The following PPAT variants were observed in gnomAD, a reference collection of about 807,000 sequenced individuals.
PPAT encodes amidophosphoribosyltransferase.
A neutral mutation model predicts 60.2 loss-of-function variants in PPAT; 20 were observed. That is an observed-to-expected ratio of 0.33 (90% CI 0.23 to 0.48). The LOEUF is 0.48. Ranked by LOEUF, PPAT falls within the 20% of genes least tolerant of loss-of-function variation. The pLI is 0.99. For missense variants in PPAT, 349 were observed against 629.6 expected (o/e 0.55, Z 4.77); for synonymous variants, 194 against 215.1 (o/e 0.90, Z 0.86).
intron 1 of PPAT, among the ~76,000 whole-genome samples, chr4:56,417,858 T>TTTTTTTTTTTTTTTTTTTTTTTG (rs1716847109): frequency 6.8e-6 from 1 of 147,810 alleles, no homozygotes; most frequent in African/African-American, 2.5e-5. Flanking sequence ...TTTTTTTTTT[T>TTTTTTTTTTTTTTTTTTTTTTTG]TGAGACAGAG....
chr4:56,401,837 T>C (rs537118871), intron 6 of PPAT, among the ~76,000 whole-genome samples: 3 of 152,278 alleles, frequency 2.0e-5, no homozygotes, highest in South Asian at 2.1e-4. Context: ...TATTTTCATA[T>C]TGTACTGTAA....
intron 8 of PPAT, chr4:56,399,936 A>G (rs1231970989): frequency 6.6e-6 from 1 of 152,490 alleles, no homozygotes; most frequent in African/African-American, 2.4e-5. Context: ...ATAAAGCGTA[A>G]CACTGACAAC....
intron 2 of PPAT, 66 bp from the exon 3 acceptor site, chr4:56,406,767 C>A (rs1462976051): frequency 6.4e-6 from 7 of 1,096,986 alleles, no homozygotes; most frequent in Non-Finnish European, 9.5e-6. Context: ...AAACGCCTCT[C>A]TTCTCTGCCC....
In PPAT at chr4:56,394,277, T is replaced by C. The variant is rs1560635460; in HGVS notation, c.*1075A>G. 1 of 152,294 alleles carries C rather than the reference T, an allele frequency of 6.6e-6. No individual in the cohort carries two copies. The highest frequency in any genetic ancestry group is 1.9e-4 in the East Asian group (1 of 5,176). 9.4% of individuals were successfully genotyped at this position (152,294 alleles called of 1,614,324 possible). A position where few individuals can be genotyped will look rare whatever the true frequency, so the allele number is the denominator to read the frequency against. On this transcript the variant is annotated 3_prime_UTR_variant, in exon 11 of 11. Transcript: ENST00000264220. ...AGTTGATACTAATTCCCCAAAGTGG[T>C]TGTCTCTTTGATCCTTAAACAAAAC...
At chr4:56,406,747 T>C (rs770625414) in intron 2 of PPAT, 46 bp from the exon 3 acceptor site, 13 of 1,389,888 alleles carry the variant, frequency 9.4e-6, no homozygotes, top group Middle Eastern at 1.8e-4. Context: ...AGACTAGTAC[T>C]GCTAGTAATA....
chr4:56,432,357 G>A (rs941362780), intron 1 of PPAT, among the ~76,000 whole-genome samples: 7 of 151,878 alleles, frequency 4.6e-5, no homozygotes, highest in Admixed American at 2.0e-4. Context: ...GTGAAACCCC[G>A]TCTCTGCTAA....
At chr4:56,430,078 T>C (rs1036787938) in intron 1 of PPAT, among the ~76,000 whole-genome samples, 1 of 152,132 alleles carries the variant, frequency 6.6e-6, no homozygotes, top group Non-Finnish European at 1.5e-5. Flanking sequence ...CTGGGCAACA[T>C]AGTGAAACCC....
intron 1 of PPAT, chr4:56,431,412 T>TG: frequency 1.0e-6 from 1 of 979,884 alleles, no homozygotes; most frequent in African/African-American, 1.7e-5. Context: ...TTCTGTACTC[T>TG]GTTTGCAGAA....
At chr4:56,432,892 C>G (rs918649936) in intron 1 of PPAT, among the ~76,000 whole-genome samples, 8 of 150,612 alleles carry the variant, frequency 5.3e-5, no homozygotes, top group African/African-American at 2.0e-4. Flanking sequence ...TAAAACTAAC[C>G]AGTGAGTGAA....
At chr4:56,405,851 T>TA (rs1447247304) in intron 3 of PPAT, among the ~76,000 whole-genome samples, 3 of 152,236 alleles carry the variant, frequency 2.0e-5, no homozygotes, top group Non-Finnish European at 4.4e-5. Context: ...AAGGTAGTGC[T>TA]AGGGCTGTTG....
chr4:56,411,752 AG>A (rs777525355), intron 1 of PPAT, among the ~76,000 whole-genome samples: 2 of 152,266 alleles, frequency 1.3e-5, no homozygotes, highest in African/African-American at 2.4e-5. Context: ...CAAAAAGGAC[AG>A]AACTGCAAAT....
chr4:56,404,662 T>C (rs1293425362), intron 3 of PPAT, among the ~76,000 whole-genome samples: 3 of 145,180 alleles, frequency 2.1e-5, no homozygotes, highest in Non-Finnish European at 4.5e-5. Context: ...TTTTACTCCA[T>C]ATTTATACTT....
intron 3 of PPAT, among the ~76,000 whole-genome samples, chr4:56,405,976 G>A (rs2110040505): frequency 6.6e-6 from 1 of 152,268 alleles, no homozygotes; most frequent in Non-Finnish European, 1.5e-5. Context: ...CTGGGACTGA[G>A]CCCTTAACTT....
At chr4:56,423,585 TG>T (rs1717145677) in intron 1 of PPAT, 1 of 152,126 alleles carries the variant, frequency 6.6e-6, no homozygotes. Flanking sequence ...GTTAGTCCTC[TG>T]GAAAACTTAC....
chr4:56,408,723 C>A (rs1434173597), intron 1 of PPAT, among the ~76,000 whole-genome samples: 2 of 147,868 alleles, frequency 1.4e-5, no homozygotes, highest in Non-Finnish European at 3.0e-5. Context: ...CACTGCACTC[C>A]GGCCTGGGCG....
intron 10 of PPAT, among the ~76,000 whole-genome samples, chr4:56,395,749 G>A (rs997502838): frequency 1.3e-5 from 2 of 151,662 alleles, no homozygotes. Context: ...GGAATCTAGG[G>A]GATAACATAA....
At chr4:56,417,839 TTTG>T (rs1488919253) in intron 1 of PPAT, among the ~76,000 whole-genome samples, 1 of 96,582 alleles carries the variant, frequency 1.0e-5, no homozygotes, top group African/African-American at 3.7e-5. Flanking sequence ...GATTTGGTTT[TTTG>T]TTTTTTTTTT....
chr4:56,408,305 C>T (rs1238499605), intron 1 of PPAT: 3 of 152,532 alleles, frequency 2.0e-5, no homozygotes, highest in Non-Finnish European at 4.4e-5. Context: ...CATAGTAGCA[C>T]ACGCTTGTAG....
At chr4:56,435,179 G>A (rs994646244) in intron 1 of PPAT, among the ~76,000 whole-genome samples, 171 bp downstream of exon 1, 9 of 152,202 alleles carry the variant, frequency 5.9e-5, no homozygotes, top group African/African-American at 2.2e-4. Flanking sequence ...TGGAAGCGAG[G>A]TGCCCCTCGT....
Sources: allele counts gnomAD v4.1 joint callset (sites outside exome capture counted in the v4.1 genomes callset), GRCh38; gene constraint gnomAD v4.1.1; transcripts MANE v1.5; gene names NCBI Gene and HGNC (gene_info 2026-07-23, HGNC 2026-07-21).